The following CNTLN variants were observed in gnomAD, a reference collection of about 807,000 sequenced individuals.
CNTLN encodes the protein centlein, centrosomal protein.
In CNTLN, 212 loss-of-function variants were observed where a neutral mutation model predicts 180.0. That is an observed-to-expected ratio of 1.18 (90% CI 1.05 to 1.32). The LOEUF (loss-of-function observed/expected upper bound fraction) is 1.32, where lower values mean the gene tolerates loss of function less well. Ranked by LOEUF, CNTLN falls within the 40% of genes most tolerant of loss-of-function variation. CNTLN has a pLI of 0.00. For synonymous variants in CNTLN, 722 were observed against 563.1 expected (o/e 1.28, Z -3.99); for missense variants, 2,095 against 1,610.9 (o/e 1.30, Z -5.14).
intron 18 of CNTLN, among the ~76,000 whole-genome samples, chr9:17,451,504 C>G (rs372857481): frequency 1.3e-3 from 192 of 152,300 alleles, no homozygotes; most frequent in African/African-American, 4.4e-3. Context: ...TTGCTTTTCT[C>G]TACTTGGATT....
intron 12 of CNTLN, among the ~76,000 whole-genome samples, chr9:17,346,426 A>G (rs1190631618): frequency 6.6e-6 from 1 of 152,180 alleles, no homozygotes; most frequent in Non-Finnish European, 1.5e-5. Flanking sequence ...GATTATGGGA[A>G]TTACAATTCA....
At chr9:17,156,577 A>G (rs2815184) in intron 2 of CNTLN, among the ~76,000 whole-genome samples, 50,881 of 151,784 alleles carry the variant, frequency 0.34, 10,683 homozygotes, top group East Asian at 0.6. Context: ...CCCAAATCTG[A>G]CTTATTGTAG....
rs867472939 is a variant in CNTLN, at chr9:17,399,031, C to T, written c.2615+3962C>T. On this transcript the variant is annotated intron_variant, in intron 15 of 25. Transcript: ENST00000380647. ...TACGTTAACACATTTTACCAACTAG[C>T]CTTCATCTACCATTAGTTTTCCATA... 1.5e-4 allele frequency among the ~76,000 whole-genome samples: 23 copies of T among 152,254 alleles called. 1 individual carries two copies. The highest frequency in any genetic ancestry group is 6.2e-4 in the South Asian group (3 of 4,818).
intron 5 of CNTLN, among the ~76,000 whole-genome samples, chr9:17,265,266 G>T (rs1053541464): frequency 7.9e-5 from 12 of 151,860 alleles, no homozygotes; most frequent in Non-Finnish European, 1.5e-4. Flanking sequence ...GTTGAATTTT[G>T]TCAAAGGCCT....
At chr9:17,491,379 A>G (rs1206918961) in intron 25 of CNTLN, among the ~76,000 whole-genome samples, 2 of 152,260 alleles carry the variant, frequency 1.3e-5, no homozygotes, top group East Asian at 1.9e-4. Flanking sequence ...TGTATAAACT[A>G]TGAAATTTAC....
At chr9:17,379,553 C>G (rs1366110999) in intron 13 of CNTLN, among the ~76,000 whole-genome samples, 1 of 152,144 alleles carries the variant, frequency 6.6e-6, no homozygotes, top group Non-Finnish European at 1.5e-5. Flanking sequence ...AAAGAACTCA[C>G]CTCATTTGTT....
At position 17,295,989 on chromosome 9, in the gene CNTLN, AGAGAGAGAGT is replaced by A. The variant is rs1256715406; in HGVS notation, c.984-2199_984-2190del. On this transcript the variant is annotated intron_variant, in intron 6 of 25. Transcript: ENST00000380647. ...TTCAGTGAGAGAGAGAGAGAGAGAG[AGAGAGAGAGT>A]GTGTGTGTGTGTGTGTGTGTGTGTG... Among the ~76,000 whole-genome samples, 42 of 83,474 alleles carry A rather than the reference AGAGAGAGAGT, an allele frequency of 5.0e-4. No individual in the cohort carries two copies. The South Asian group carries it at 7.2e-3, about 14-fold the overall frequency. The allele number at this position is 83,474 out of a possible 152,430, so 54.8% of individuals were successfully genotyped here.
intron 14 of CNTLN, among the ~76,000 whole-genome samples, chr9:17,390,960 C>G (rs921722918): frequency 2.0e-5 from 3 of 152,070 alleles, no homozygotes; most frequent in African/African-American, 7.2e-5. Context: ...CTTTCCTCAC[C>G]TATCATAAGG....
intron 13 of CNTLN, among the ~76,000 whole-genome samples, chr9:17,379,795 A>G (rs776392167): frequency 1.3e-5 from 2 of 152,172 alleles, no homozygotes. Flanking sequence ...TTTTACAAGT[A>G]TCTTAAAAGT....
intron 18 of CNTLN, among the ~76,000 whole-genome samples, chr9:17,453,705 T>A (rs1025380330): frequency 2.0e-5 from 3 of 152,170 alleles, no homozygotes; most frequent in Non-Finnish European, 2.9e-5. Flanking sequence ...TTTGAAAAAT[T>A]CAGTTACTTG....
intron 2 of CNTLN, among the ~76,000 whole-genome samples, chr9:17,168,799 A>G (rs1820248956): frequency 6.6e-6 from 1 of 151,978 alleles, no homozygotes; most frequent in Admixed American, 6.6e-5. Flanking sequence ...AGATGGCTCT[A>G]TTGAATAAGG....
chr9:17,429,006 T>C (rs1829254316), intron 18 of CNTLN, among the ~76,000 whole-genome samples: 1 of 152,076 alleles, frequency 6.6e-6, no homozygotes, highest in South Asian at 2.1e-4. Context: ...GTTATTTTTA[T>C]AGATTCTTTG....
chr9:17,199,460 C>T (rs1822372966), intron 2 of CNTLN, among the ~76,000 whole-genome samples: 1 of 152,230 alleles, frequency 6.6e-6, no homozygotes, highest in South Asian at 2.1e-4. Flanking sequence ...ATCCACCCTC[C>T]TTGGCCTCCC....
chr9:17,442,153 G>C (rs1272958276), intron 18 of CNTLN, among the ~76,000 whole-genome samples: 2 of 152,164 alleles, frequency 1.3e-5, no homozygotes, highest in Non-Finnish European at 2.9e-5. Flanking sequence ...ACTTGAACAA[G>C]ACTGTGGACC....
At chr9:17,396,823 C>A (rs1379978936) in intron 15 of CNTLN, among the ~76,000 whole-genome samples, 1 of 152,170 alleles carries the variant, frequency 6.6e-6, no homozygotes, top group African/African-American at 2.4e-5. Flanking sequence ...ATCATCTACT[C>A]AAGCCCCTTG....
chr9:17,445,331 A>G (rs1448013922), intron 18 of CNTLN, among the ~76,000 whole-genome samples: 1 of 152,146 alleles, frequency 6.6e-6, no homozygotes, highest in Non-Finnish European at 1.5e-5. Flanking sequence ...CGGTACAACC[A>G]ACGAGAGACA....
At chr9:17,356,398 T>G (rs769157889) in intron 12 of CNTLN, among the ~76,000 whole-genome samples, 1 of 152,184 alleles carries the variant, frequency 6.6e-6, no homozygotes, top group Non-Finnish European at 1.5e-5. Flanking sequence ...ACCTAATTAT[T>G]TGCTAAGTTA....
At chr9:17,421,054 C>T (rs988887977) in intron 18 of CNTLN, among the ~76,000 whole-genome samples, 1 of 152,102 alleles carries the variant, frequency 6.6e-6, no homozygotes, top group Non-Finnish European at 1.5e-5. Context: ...ATGAAGTGTT[C>T]TGTAAATATC....
intron 23 of CNTLN, among the ~76,000 whole-genome samples, chr9:17,477,681 C>A (rs1337708985): frequency 1.3e-5 from 2 of 152,126 alleles, no homozygotes; most frequent in Non-Finnish European, 2.9e-5. Context: ...TTGCTGCAAT[C>A]TCAAAATAAA....
Sources: gnomAD v4.1 joint callset for allele counts (sites outside exome capture counted in the v4.1 genomes callset) on GRCh38, gnomAD v4.1.1 for gene constraint, MANE v1.5 for transcripts, NCBI Gene and HGNC (gene_info 2026-07-23, HGNC 2026-07-21) for gene names.